Variants in RECQL4 observed in about 807,000 individuals in gnomAD.
RECQL4 encodes the protein ATP-dependent DNA helicase Q4.
Under a neutral mutation model 128.6 loss-of-function variants are expected in RECQL4, and 158 were observed. The ratio of observed to expected loss-of-function variants is 1.23; its 90% CI spans 1.08 to 1.40. RECQL4 has a LOEUF of 1.40. RECQL4 is among the 40% of genes most tolerant of loss of function. The pLI is 0.00. For missense variants in RECQL4, 2,293 were observed against 1,649.8 expected (o/e 1.39, Z -6.75); for synonymous variants, 996 against 678.9 (o/e 1.47, Z -7.26).
In RECQL4 at chr8:144,516,174, C is replaced by T. The variant is rs371593078; in HGVS notation, c.945G>A (p.Ser315=). The T allele has an allele frequency of 2.9e-5, 47 of 1,613,282 alleles. 1 individual carries two copies. Among genetic ancestry groups the T allele is most frequent in the East Asian group, 2.0e-4 (9 of 44,900 alleles). ...AQPPQPCSSP[S]NPRYHGLSPS... is the part of the protein sequence containing the mutation. The stretch of plus-strand genomic sequence containing the variant: ...GGCTGAGTCCGTGGTACCTGGGGTT[C>T]GATGGGCTGCTGCAGGGCTGAGGTG... Residue 315 remains serine, a synonymous_variant, in exon 5 of 21, where the codon TCG becomes TCA. Transcript: ENST00000617875.
At chr8:144,514,849 G>A in intron 9 of RECQL4, 87 bp downstream of exon 9, 1 of 1,493,644 alleles carries the variant, frequency 6.7e-7, no homozygotes, top group Non-Finnish European at 9.2e-7. Context: ...GGGAGGGGGT[G>A]GTTAGGGGAC....
At position 144,511,672 on chromosome 8, in the gene RECQL4, A is replaced by G. The variant is rs1162036768; in HGVS notation, c.3502+9T>C. 1 of 1,612,120 alleles carries G rather than the reference A, an allele frequency of 6.2e-7. No homozygotes were observed. Among genetic ancestry groups the G allele is most frequent in the South Asian group, 1.1e-5 (1 of 91,072 alleles). ...CAGCCTGCAGCGGGTGGGGCCTCCC[A>G]GGCCTCACCGATGCCGTGGAAGATG... On this transcript the variant is annotated intron_variant, in intron 20 of 20. Transcript: ENST00000617875.
In RECQL4 at chr8:144,517,435, C is replaced by G. The variant is rs559507124; in HGVS notation, c.192G>C (p.Ser64=). 28 of 1,584,598 alleles carry G rather than the reference C, an allele frequency of 1.8e-5. No individual in the cohort carries two copies. The highest frequency in any genetic ancestry group is 4.0e-5 in the African/African-American group (3 of 74,634). Residue 64 remains serine, a synonymous_variant, in exon 3 of 21, where the codon TCG becomes TCC. Coordinates refer to ENST00000617875, the MANE Select transcript of RECQL4 (RefSeq NM_004260.4). ...GTACCTCTTCGGCCGCCGCGGGGAG[C>G]GACTCGGAGCTGCGGAGCCCGCCGC... is the stretch of plus-strand genomic sequence containing the variant. The part of the protein sequence containing the change: ...QAGGGLRSSE[S]LPAAAEEAPE...
intron 4 of RECQL4, 27 bp downstream of exon 4, chr8:144,517,023 T>G (rs766153834): frequency 6.2e-7 from 1 of 1,600,406 alleles, no homozygotes; most frequent in East Asian, 2.2e-5. Context: ...GGACCTAGCG[T>G]GGACTCACTG....
At position 144,516,739 on chromosome 8, in the gene RECQL4, G is replaced by T. The variant is rs550470182; in HGVS notation, c.380C>A (p.Pro127Gln). The part of the protein sequence containing the change: ...LQAGPALGRR[P>Q]WPLGRASSKA... ...AGATGAGGCTCTTCCTAGAGGCCAC[G>T]GTCTGCGGCCCAGGGCTGGTCCGGC... is the stretch of plus-strand genomic sequence containing the variant. The change falls in exon 5 of 21, where the codon CCG becomes CAG. Residue 127 changes from proline (P) to glutamine (Q), a missense_variant. By Grantham distance (76) the Pro-to-Gln change is moderately conservative. Coordinates refer to ENST00000617875, the MANE Select transcript of RECQL4 (RefSeq NM_004260.4). 6.5e-7 allele frequency: 1 copy of T among 1,530,058 alleles called. No individual in the cohort carries two copies. The highest frequency in any genetic ancestry group is 1.4e-5 in the African/African-American group (1 of 72,058). The allele number at this position is 1,530,058 out of a possible 1,614,324, so 94.8% of individuals were successfully genotyped here.
rs1815404112 is a variant in RECQL4 at position 144,517,626 on chromosome 8, C to G, written c.94G>C (p.Glu32Gln). Residue 32 changes from glutamate to glutamine, a missense_variant, in exon 2 of 21, where the codon GAG (glutamate) becomes CAG (glutamine). Coordinates refer to ENST00000617875, the MANE Select transcript of RECQL4 (RefSeq NM_004260.4). ...RGRRPSQDDV[E>Q]AAPEETRALY... ...CCGCGGGTCTCCTCCGGCGCCGCCT[C>G]CACGTCGTCCTGTAAAGGGAACGCG... 1 of 1,486,678 alleles carries G rather than the reference C, an allele frequency of 6.7e-7. No individual in the cohort carries two copies. The highest frequency in any genetic ancestry group is 8.9e-7 in the Non-Finnish European group (1 of 1,126,356). The allele number at this position is 1,486,678 out of a possible 1,614,324, so 92.1% of individuals were successfully genotyped here.
At position 144,516,364 on chromosome 8, in the gene RECQL4, G is replaced by A. The variant is rs199773279; in HGVS notation, c.755C>T (p.Pro252Leu). 3,926 of 1,610,090 alleles carry A rather than the reference G, an allele frequency of 2.4e-3. 128 individuals are homozygous for A. The South Asian group carries it at 0.04, about 16-fold the overall frequency. ...CTCGCCTCCACTGCTGCTGGGCTGGGGGCTCCCCACACGGATGCTGACTTC... is the reference window on the plus strand; with the variant it reads ...CTCGCCTCCACTGCTGCTGGGCTGGAGGCTCCCCACACGGATGCTGACTTC... ...FQEVSIRVGS[P>L]QPSSSGGEKR... The change falls in exon 5 of 21, where the codon CCC becomes CTC. Residue 252 changes from proline (P) to leucine (L), a missense_variant. Pro to Leu is a moderately conservative substitution (Grantham distance 98). Coordinates refer to ENST00000617875, the MANE Select transcript of RECQL4 (RefSeq NM_004260.4).
In RECQL4 at chr8:144,516,102, CA is replaced by C. The variant is rs1173293384; in HGVS notation, c.1016del (p.Leu339ArgfsTer20). ...RAGKAEGTAP[L>X]HIFPRLARHD... is the part of the protein sequence containing the mutation. ...GGCGGGCCAGCCGAGGGAAGATGTG[CA>C]GGGGGGCTGTGCCCTCAGCCTTCCC... On this transcript the variant is annotated frameshift_variant, in exon 5 of 21. Coordinates refer to ENST00000617875, the MANE Select transcript of RECQL4 (RefSeq NM_004260.4). LOFTEE classifies it high-confidence loss of function. 1.9e-6 allele frequency: 3 copies of C among 1,612,722 alleles called. No homozygotes were observed. The African/African-American group carries it at 4.0e-5, about 22-fold the overall frequency.
rs749796411 is a variant in RECQL4, at chr8:144,514,428, C to A, written c.1704+14G>T. 5.6e-6 allele frequency: 9 copies of A among 1,610,474 alleles called. No individual in the cohort carries two copies. The highest frequency in any genetic ancestry group is 7.6e-6 in the Non-Finnish European group (9 of 1,178,480). On this transcript the variant is annotated intron_variant, in intron 10 of 20. Coordinates refer to ENST00000617875, the MANE Select transcript of RECQL4 (RefSeq NM_004260.4). ...CCGCTGCCTCCCTCACCCCTAGGCC[C>A]ATGAGGCCCCCACCTTCTGCAGGAC...
At chr8:144,517,343 C>A (rs1815312078) in intron 3 of RECQL4, 71 bp downstream of exon 3, 2 of 1,482,600 alleles carry the variant, frequency 1.3e-6, no homozygotes, top group South Asian at 2.5e-5. Context: ...GGCCTGGCCG[C>A]GACTCCGTGG....
rs1376033913 is a variant in RECQL4 at position 144,517,812 on chromosome 8, CT to C, written c.-29del. 1.7e-6 allele frequency: 2 copies of C among 1,199,296 alleles called. No individual in the cohort carries two copies. The highest frequency in any genetic ancestry group is 2.1e-6 in the Non-Finnish European group (2 of 964,616). The allele number at this position is 1,199,296 out of a possible 1,614,324, so 74.3% of individuals were successfully genotyped here. On this transcript the variant is annotated 5_prime_UTR_variant, in exon 1 of 21. Transcript: ENST00000617875. Reference sequence around the variant, plus strand: ...CGCGCGCGCCCGCCCGGCCTCCGCGCTTGCGATCGTCCAGCGAATCTCCCGC... The same window carrying C: ...CGCGCGCGCCCGCCCGGCCTCCGCGCTGCGATCGTCCAGCGAATCTCCCGC...
In RECQL4 at chr8:144,512,389, C is replaced by G; in HGVS notation, c.3055+3G>C. On this transcript the variant is annotated splice_donor_region_variant and intron_variant, in intron 17 of 20. Transcript: ENST00000617875. ...GGGCGGTGTGGGGTGGGGAGAGGCG[C>G]ACCTGTCCTGGGCTCGTGGTCCCAC... 1 of 1,607,262 alleles carries G rather than the reference C, an allele frequency of 6.2e-7. No individual in the cohort carries two copies. Among genetic ancestry groups the G allele is most frequent in the Non-Finnish European group, 8.5e-7 (1 of 1,176,120 alleles).
chr8:144,514,504 G>A lies in RECQL4; in HGVS notation c.1642C>T (p.Leu548Phe). The change falls in exon 10 of 21, where the codon CTC becomes TTC. Residue 548 changes from leucine (L) to phenylalanine (F), a missense_variant. Leu to Phe is a conservative substitution (Grantham distance 22, BLOSUM62 0). Transcript: ENST00000617875. ...DDQVSGLPPC[L>F]KAACIHSGMT... ...CCCGAGTGTATGCAGGCCGCCTTGA[G>A]ACACGGTGGCAGGCCAGACACCTGC... 1.2e-6 allele frequency: 2 copies of A among 1,611,888 alleles called. No individual in the cohort carries two copies. The highest frequency in any genetic ancestry group is 4.5e-5 in the East Asian group (2 of 44,870).
chr8:144,512,794 C>G (rs746005419), intron 15 of RECQL4, 23 bp from the exon 16 acceptor site: 1 of 1,610,470 alleles, frequency 6.2e-7, no homozygotes, highest in Non-Finnish European at 8.5e-7. Flanking sequence ...CAGGGCTCAG[C>G]GGACGCGGGG....
At position 144,516,318 on chromosome 8, in the gene RECQL4, C is replaced by G. The variant is rs4244612; in HGVS notation, c.801G>C (p.Glu267Asp). The change falls in exon 5 of 21, where the codon GAG (glutamate) becomes GAC (aspartate). Residue 267 changes from glutamate (E) to aspartate (D), a missense_variant. By Grantham distance (45) the Glu-to-Asp change is conservative. Transcript: ENST00000617875. ...SGGEKRRWNEEPWESPAQVQQ... is the reference protein window; with the variant it reads ...SGGEKRRWNEDPWESPAQVQQ... The stretch of plus-strand genomic sequence containing the variant: ...GGACCTGTGCGGGGCTCTCCCAGGG[C>G]TCCTCGTTCCATCTCCGCTTCTCGC... 0.41 allele frequency: 660,230 copies of G among 1,608,224 alleles called. 137,225 individuals carry two copies. The highest frequency in any genetic ancestry group is 0.51 in the Admixed American group (30,543 of 59,498).
rs373372297 is a variant in RECQL4, at chr8:144,512,218, G to A, written c.3162C>T (p.Phe1054=). Residue 1054 remains phenylalanine, a synonymous_variant, in exon 18 of 21, where the codon TTC becomes TTT. Transcript: ENST00000617875. ...TAEEKDQICD[F]LYGRVQARER... Reference sequence around the variant, plus strand: ...CCCGGGCCTGCACACGGCCATAGAGGAAGTCACATATCTGGTCCTTCTCCT... The same window carrying A: ...CCCGGGCCTGCACACGGCCATAGAGAAAGTCACATATCTGGTCCTTCTCCT... 45 of 1,612,330 alleles carry A rather than the reference G, an allele frequency of 2.8e-5. No individual in the cohort carries two copies. The African/African-American group carries it at 3.9e-4, about 14-fold the overall frequency.
chr8:144,513,355 T>C lies in RECQL4; in HGVS notation c.2326A>G (p.Met776Val), dbSNP rs1406170971. The C allele has an allele frequency of 6.2e-7, 1 of 1,605,932 alleles. No individual in the cohort carries two copies. The highest frequency in any genetic ancestry group is 1.1e-5 in the South Asian group (1 of 91,046). ...CGCACATCTGGCCGGTCCAGCCCCA[T>C]CCCAAAGGCCACCGTGGCCACCACC... ...RVVVATVAFGMGLDRPDVRAV... is the reference protein window; with the variant it reads ...RVVVATVAFGVGLDRPDVRAV... Residue 776 changes from methionine to valine, a missense_variant, in exon 14 of 21, where the codon ATG (methionine) becomes GTG (valine). Physicochemically the swap from Met to Val is conservative, Grantham distance 21 (BLOSUM62 1). Coordinates refer to ENST00000617875, the MANE Select transcript of RECQL4 (RefSeq NM_004260.4).
In RECQL4 at chr8:144,513,259, CA is replaced by C. The variant is rs1827601533; in HGVS notation, c.2421del (p.Asp808ThrfsTer35). ...SYVQAVGRAG[R>X]DGQPAHCHLF... ...AGGTGGCAGTGGGCAGGCTGCCCGT[CA>C]CGCCCGGCCCGGCCCACGGCCTGCA... On this transcript the variant is annotated frameshift_variant, in exon 14 of 21. Coordinates refer to ENST00000617875, the MANE Select transcript of RECQL4 (RefSeq NM_004260.4). LOFTEE classifies it high-confidence loss of function. The C allele has an allele frequency of 6.3e-7, 1 of 1,591,734 alleles. No individual in the cohort carries two copies. The highest frequency in any genetic ancestry group is 1.1e-5 in the South Asian group (1 of 90,480).
In RECQL4 at chr8:144,517,077, G is replaced by A. The variant is rs1289701731; in HGVS notation, c.327C>T (p.Leu109=). 6.2e-7 allele frequency: 1 copy of A among 1,612,064 alleles called. No homozygotes were observed. Among genetic ancestry groups the A allele is most frequent in the Non-Finnish European group, 8.5e-7 (1 of 1,179,542 alleles). ...GCAGGGTGCCTTTCAGATTGGCCTT[G>A]AGCCGCTGCCCGTAGTCCGGCACCG... ...QGSVPDYGQR[L]KANLKGTLQA... The change falls in exon 4 of 21, where the codon CTC becomes CTT. Residue 109 remains leucine, a synonymous_variant. Transcript: ENST00000617875.
Sources: allele counts gnomAD v4.1 joint callset, GRCh38; gene constraint gnomAD v4.1.1; transcripts MANE v1.5; gene names NCBI Gene and HGNC (gene_info 2026-07-23, HGNC 2026-07-21).